The following SLC5A10 variants were observed in gnomAD, a reference collection of about 807,000 sequenced individuals.
SLC5A10 encodes sodium/mannose cotransporter SLC5A10.
Under a neutral mutation model 68.9 loss-of-function variants are expected in SLC5A10, and 55 were observed. The observed-to-expected ratio is 0.80, with a 90% CI of 0.64 to 1.00. The LOEUF is 1.00. SLC5A10 is among the 50% of genes least tolerant of loss of function. The probability of loss-of-function intolerance (pLI) is 0.00; values close to 1 mark genes in which losing one functional copy is unlikely to be tolerated. For missense variants in SLC5A10, 732 were observed against 819.3 expected (o/e 0.89, Z 1.30); for synonymous variants, 344 against 344.8 (o/e 1.00, Z 0.02).
rs1242344397 is a variant in SLC5A10 at position 19,000,640 on chromosome 17, C to A, written c.983-12770C>A. ...GAAGGCTGGGCTGTCCTGACTCAGC[C>A]CCAGCAGCCCCAGCCTAAAGCCCCC... On this transcript the variant is annotated intron_variant, in intron 9 of 14. Transcript: ENST00000395645. This position sits in a 1 kb window ranked among gnomAD's most constrained non-coding sequence, Gnocchi z 5.2. Among the ~76,000 whole-genome samples, 1 of 152,160 alleles carries A rather than the reference C, an allele frequency of 6.6e-6. No individual in the cohort carries two copies. The highest frequency in any genetic ancestry group is 2.4e-5 in the African/African-American group (1 of 41,430).
chr17:19,016,084 C>G (rs924122758), intron 11 of SLC5A10, among the ~76,000 whole-genome samples: 2 of 150,272 alleles, frequency 1.3e-5, no homozygotes, highest in Non-Finnish European at 3.0e-5. Context: ...CTCGTTTTGT[C>G]ACCCAGGCTG....
Position 18,971,637 on chromosome 17 carries a change from T to C in SLC5A10, c.846+419T>C. ...CCAGCCATGGCTGGGCCAGCGTTTC[T>C]GGTAGAGCTCTGGACGCTGTCAGCA... On this transcript the variant is annotated intron_variant, in intron 8 of 14. Transcript: ENST00000395645. The surrounding 1 kb of genome is among the most constrained non-coding windows in gnomAD (Gnocchi z 5.5). The C allele has an allele frequency of 2.5e-6, 4 of 1,613,484 alleles. No homozygotes were observed. In the South Asian group the frequency reaches 3.3e-5, roughly 13 times the overall value.
chr17:19,008,354 G>GT (rs989237613), intron 9 of SLC5A10, among the ~76,000 whole-genome samples: 19 of 151,988 alleles, frequency 1.3e-4, no homozygotes, highest in Admixed American at 2.6e-4. Flanking sequence ...AAGTTTGATA[G>GT]TTTTTTTTAA....
At chr17:18,978,937 G>C in intron 9 of SLC5A10, 1 of 1,475,016 alleles carries the variant, frequency 6.8e-7, no homozygotes, top group Non-Finnish European at 9.2e-7. Flanking sequence ...CTGGGCCTCA[G>C]ACTGTGGCCA....
At chr17:18,965,711 G>A (rs780717777) in intron 5 of SLC5A10, among the ~76,000 whole-genome samples, 6 of 152,310 alleles carry the variant, frequency 3.9e-5, no homozygotes, top group Non-Finnish European at 7.4e-5. Context: ...CTGGGCTCCC[G>A]CCCTTGCAAG....
chr17:18,985,275 T>C (rs1190531057), intron 9 of SLC5A10, among the ~76,000 whole-genome samples: 1 of 152,192 alleles, frequency 6.6e-6, no homozygotes, highest in East Asian at 1.9e-4. Flanking sequence ...CATGTCCCCA[T>C]TTTGTAGACA....
Position 18,996,892 on chromosome 17 carries a change from G to A in SLC5A10, c.983-16518G>A, listed in dbSNP as rs914270783. On this transcript the variant is annotated intron_variant, in intron 9 of 14. Coordinates refer to ENST00000395645, the MANE Select transcript of SLC5A10 (RefSeq NM_001042450.4). The surrounding 1 kb of genome is among the most constrained non-coding windows in gnomAD (Gnocchi z 4.4). The stretch of plus-strand genomic sequence containing the variant: ...ACCTGACCATCAGCACTGTCTGGAA[G>A]GTTAATGCCTGGGCCTCCCTGGCTC... Among the ~76,000 whole-genome samples the A allele has an allele frequency of 6.6e-6, 1 of 152,250 alleles. No individual in the cohort carries two copies. The highest frequency in any genetic ancestry group is 1.5e-5 in the Non-Finnish European group (1 of 68,044).
intron 9 of SLC5A10, chr17:18,979,402 A>G: frequency 1.1e-6 from 1 of 930,748 alleles, no homozygotes; most frequent in Non-Finnish European, 1.6e-6. Context: ...AGAGACAGAC[A>G]GGCGGGCAGA....
chr17:18,961,687 C>T (rs1044136289), intron 5 of SLC5A10, among the ~76,000 whole-genome samples: 1 of 152,158 alleles, frequency 6.6e-6, no homozygotes, highest in Non-Finnish European at 1.5e-5. Context: ...GCTGGTCAGC[C>T]AGGAGCTGTG....
At position 18,976,646 on chromosome 17, in the gene SLC5A10, T is replaced by A. The variant is rs1567789052; in HGVS notation, c.847-208T>A. On this transcript the variant is annotated intron_variant, in intron 8 of 14. Transcript: ENST00000395645. ...CTGAGTCCCTGGGAATGAGTGTACC[T>A]CGGCTCTCGCTGCTTGGCCTGCTGA... 8 of 610,556 alleles carry A rather than the reference T, an allele frequency of 1.3e-5. No homozygotes were observed. The East Asian group carries it at 2.3e-4, about 17-fold the overall frequency. 37.8% of individuals were successfully genotyped at this position (610,556 alleles called of 1,614,324 possible).
Position 19,015,053 on chromosome 17 carries a change from G to C in SLC5A10, c.1095G>C (p.Leu365=), listed in dbSNP as rs1402116380. 1 of 1,613,450 alleles carries C rather than the reference G, an allele frequency of 6.2e-7. No homozygotes were observed. Among genetic ancestry groups the C allele is most frequent in the Non-Finnish European group, 8.5e-7 (1 of 1,179,516 alleles). ...KLVMELMPIG[L]RGLMIAVMLA... is the part of the protein sequence containing the mutation. ...ACATCCCCCGTCCCACCCCAGGTCT[G>C]CGGGGGCTGATGATCGCAGTGATGC... The change falls in exon 11 of 15, where the codon CTG becomes CTC. Residue 365 remains leucine (L), a synonymous_variant. Coordinates refer to ENST00000395645, the MANE Select transcript of SLC5A10 (RefSeq NM_001042450.4).
intron 9 of SLC5A10, chr17:18,978,281 C>T: frequency 6.2e-7 from 1 of 1,610,394 alleles, no homozygotes; most frequent in Non-Finnish European, 8.5e-7. Flanking sequence ...GCTCTGCTTC[C>T]ACAGCTGGTG....
chr17:19,002,386 C>T (rs963074273), intron 9 of SLC5A10, among the ~76,000 whole-genome samples: 8 of 152,354 alleles, frequency 5.3e-5, no homozygotes, highest in African/African-American at 1.9e-4. Context: ...CCAGGGGCCA[C>T]CTCACCAGTT....
At chr17:19,010,804 A>G (rs1204672655) in intron 9 of SLC5A10, among the ~76,000 whole-genome samples, 1 of 152,130 alleles carries the variant, frequency 6.6e-6, no homozygotes, top group Non-Finnish European at 1.5e-5. Flanking sequence ...GAGTTCTGCC[A>G]TGGGGCCCCC....
At chr17:19,007,004 A>T (rs1262397997) in intron 9 of SLC5A10, among the ~76,000 whole-genome samples, 1 of 152,194 alleles carries the variant, frequency 6.6e-6, no homozygotes, top group African/African-American at 2.4e-5. Context: ...TCATACACAT[A>T]TGTATATAAA....
intron 11 of SLC5A10, among the ~76,000 whole-genome samples, chr17:19,016,593 C>T (rs1452933537): frequency 6.6e-6 from 1 of 152,210 alleles, no homozygotes; most frequent in East Asian, 1.9e-4. Flanking sequence ...AATAGTCAGG[C>T]TTCTGTTGGA....
At chr17:18,978,081 G>A in intron 9 of SLC5A10, 1 of 1,515,860 alleles carries the variant, frequency 6.6e-7, no homozygotes, top group Non-Finnish European at 8.8e-7. Flanking sequence ...TCTTTGGGGA[G>A]CTCCAGGACC....
At chr17:18,969,741 C>T in intron 7 of SLC5A10, 2 of 318,814 alleles carry the variant, frequency 6.3e-6, no homozygotes, top group Non-Finnish European at 5.7e-6. Context: ...GGGCTGTAGG[C>T]GGGTGTGAAG....
At chr17:18,978,167 G>A in intron 9 of SLC5A10, 1 of 1,534,240 alleles carries the variant, frequency 6.5e-7, no homozygotes, top group Non-Finnish European at 8.7e-7. Flanking sequence ...GGGGGGCAAT[G>A]GCTCAGGGTC....
Sources: allele counts gnomAD v4.1 joint callset (sites outside exome capture counted in the v4.1 genomes callset), GRCh38; gene constraint gnomAD v4.1.1; non-coding constraint Gnocchi (gnomAD v3.1); transcripts MANE v1.5; gene names NCBI Gene and HGNC (gene_info 2026-07-23, HGNC 2026-07-21).